Variants in VWA8 observed in about 807,000 individuals in gnomAD.
The protein encoded by VWA8 is von Willebrand factor A domain-containing protein 8.
In VWA8, 221 loss-of-function variants were observed where a neutral mutation model predicts 241.5. The ratio of observed to expected loss-of-function variants is 0.91; its 90% confidence interval spans 0.82 to 1.02. VWA8 has a LOEUF of 1.02. Ranked by LOEUF, VWA8 falls within the 50% of genes least tolerant of loss-of-function variation. VWA8 has a pLI of 0.00. For synonymous variants in VWA8, 852 were observed against 827.1 expected (o/e 1.03, Z -0.52); for missense variants, 2,322 against 2,328.7 (o/e 1.00, Z 0.06).
At position 41,923,518 on chromosome 13, in the gene VWA8, C is replaced by T. The variant is rs181734785; in HGVS notation, c.242-11350G>A. Among the ~76,000 whole-genome samples the T allele has an allele frequency of 2.1e-3, 313 of 152,148 alleles. 4 individuals are homozygous for T. Among genetic ancestry groups the T allele is most frequent in the African/African-American group, 7.2e-3 (299 of 41,512 alleles). ...TTTTGCCTTGGAAAGTGAACCAACA[C>T]CTCAAGTCATAGTGTTTCAGTAATT... On this transcript the variant is annotated intron_variant, in intron 2 of 44. Coordinates refer to ENST00000379310, the MANE Select transcript of VWA8 (RefSeq NM_015058.2).
intron 40 of VWA8, among the ~76,000 whole-genome samples, chr13:41,591,690 A>G (rs2139647961): frequency 6.7e-6 from 1 of 150,314 alleles, no homozygotes; most frequent in Non-Finnish European, 1.5e-5. Flanking sequence ...GAAGACATTT[A>G]TGCAGCCAAA....
chr13:41,908,719 A>G (rs1045509313), intron 3 of VWA8, among the ~76,000 whole-genome samples: 1 of 152,234 alleles, frequency 6.6e-6, no homozygotes, highest in Non-Finnish European at 1.5e-5. Context: ...ATCCATCCTT[A>G]AAAGTCTTTT....
chr13:41,863,421 GTGTGTGTGTGTGT>G lies in VWA8; in HGVS notation c.1425+2302_1425+2314del, dbSNP rs1873110016. Among the ~76,000 whole-genome samples the G allele has an allele frequency of 7.5e-5, 5 of 66,674 alleles. No homozygotes were observed. The South Asian group carries it at 1.6e-3, about 21-fold the overall frequency. 43.7% of individuals were successfully genotyped at this position (66,674 alleles called of 152,430 possible). A position where few individuals can be genotyped will look rare whatever the true frequency, so the allele number is the denominator to read the frequency against. On this transcript the variant is annotated intron_variant, in intron 12 of 44. Transcript: ENST00000379310. ...TGTGTGTGTGTGTGTGTGTGTGTGTGTGTGTGTGTGTGTATATATATATATATATATATTCACA... is the reference window on the plus strand; with the variant it reads ...TGTGTGTGTGTGTGTGTGTGTGTGTGATATATATATATATATATATTCACA...
chr13:41,908,606 G>A (rs954791392), intron 3 of VWA8, among the ~76,000 whole-genome samples: 1 of 151,826 alleles, frequency 6.6e-6, no homozygotes, highest in Admixed American at 6.6e-5. Context: ...GGAAAAGGAA[G>A]GAGGAGGAGT....
intron 20 of VWA8, among the ~76,000 whole-genome samples, chr13:41,774,136 ATTTAT>A (rs2137924374): frequency 6.6e-6 from 1 of 152,076 alleles, no homozygotes; most frequent in East Asian, 1.9e-4. Flanking sequence ...TTATTTATTT[ATTTAT>A]TTATTATTAT....
chr13:41,800,804 A>C (rs1261983201), intron 17 of VWA8, among the ~76,000 whole-genome samples: 1 of 151,902 alleles, frequency 6.6e-6, no homozygotes, highest in Non-Finnish European at 1.5e-5. Context: ...AAAAAAAAAA[A>C]AAAAAACACC....
At chr13:41,858,744 G>A (rs1221446182) in intron 12 of VWA8, among the ~76,000 whole-genome samples, 3 of 152,012 alleles carry the variant, frequency 2.0e-5, no homozygotes, top group Admixed American at 2.0e-4. Flanking sequence ...CATGGTTCTT[G>A]AAAAATAAAC....
intron 14 of VWA8, among the ~76,000 whole-genome samples, chr13:41,823,191 T>C (rs939229903): frequency 1.3e-5 from 2 of 152,134 alleles, no homozygotes. Context: ...TAGGAGATAG[T>C]GCTTGGATCC....
At position 41,949,971 on chromosome 13, in the gene VWA8, A is replaced by G; in HGVS notation, c.206T>C (p.Ile69Thr). The G allele has an allele frequency of 6.3e-7, 1 of 1,595,978 alleles. No homozygotes were observed. Among genetic ancestry groups the G allele is most frequent in the South Asian group, 1.1e-5 (1 of 88,398 alleles). ...NIGDVSYKLK[I>T]PKNPELVPQN... Reference sequence around the variant, plus strand: ...TGGCACAAGTTCTGGATTCTTAGGAATTTTCAACTTGTAGGATACATCTCC... The same window carrying G: ...TGGCACAAGTTCTGGATTCTTAGGAGTTTTCAACTTGTAGGATACATCTCC... Residue 69 changes from isoleucine to threonine, a missense_variant, in exon 2 of 45, where the codon ATT becomes ACT. Coordinates refer to ENST00000379310, the MANE Select transcript of VWA8 (RefSeq NM_015058.2).
intron 26 of VWA8, among the ~76,000 whole-genome samples, chr13:41,717,830 A>G (rs1290735432): frequency 6.6e-6 from 1 of 152,024 alleles, no homozygotes; most frequent in African/African-American, 2.4e-5. Context: ...GCTTAAGTCT[A>G]TTTCTAGCTA....
intron 37 of VWA8, among the ~76,000 whole-genome samples, chr13:41,641,804 A>G (rs77379964): frequency 0.051 from 5,022 of 98,108 alleles, 280 homozygotes; most frequent in African/African-American, 0.13. Context: ...TTTTTATGGG[A>G]AAAAAAAAAC....
intron 37 of VWA8, among the ~76,000 whole-genome samples, chr13:41,639,001 G>C (rs1043071685): frequency 3.3e-5 from 5 of 152,158 alleles, no homozygotes; most frequent in African/African-American, 1.2e-4. Flanking sequence ...GCAGAACTGA[G>C]CTTGGGAAGT....
At chr13:41,642,581 A>G (rs1015750058) in intron 37 of VWA8, among the ~76,000 whole-genome samples, 2 of 151,482 alleles carry the variant, frequency 1.3e-5, no homozygotes, top group Non-Finnish European at 2.9e-5. Context: ...AAAAAAAAGA[A>G]AAAAAGAAAA....
intron 40 of VWA8, among the ~76,000 whole-genome samples, chr13:41,594,901 TCC>T (rs1294088155): frequency 6.6e-6 from 1 of 152,102 alleles, no homozygotes; most frequent in Non-Finnish European, 1.5e-5. Context: ...AAGGCAAGAT[TCC>T]CCCAAGGGGA....
chr13:41,838,093 C>T (rs1269566876), intron 12 of VWA8, among the ~76,000 whole-genome samples: 1 of 152,026 alleles, frequency 6.6e-6, no homozygotes, highest in Non-Finnish European at 1.5e-5. Flanking sequence ...TAAAAACATC[C>T]TGTTAAAATG....
Position 41,783,921 on chromosome 13 carries a change from C to G in VWA8, c.2171-20G>C, listed in dbSNP as rs369150480. 1 of 1,594,570 alleles carries G rather than the reference C, an allele frequency of 6.3e-7. No homozygotes were observed. On this transcript the variant is annotated intron_variant, in intron 18 of 44. Transcript: ENST00000379310. ...CTTCACCTAAACATTTCACACAGGA[C>G]GGATAATTATTCATAGCACTGTCCT...
rs192500630 is a variant in VWA8 at position 41,686,940 on chromosome 13, A to G, written c.4132-1698T>C. ...ATCCTGTTTGGGCTTAACGTCCATCACTAGTGGTTACCTCTCCCCACCATA... is the reference window on the plus strand; with the variant it reads ...ATCCTGTTTGGGCTTAACGTCCATCGCTAGTGGTTACCTCTCCCCACCATA... On this transcript the variant is annotated intron_variant, in intron 34 of 44. Transcript: ENST00000379310. Among the ~76,000 whole-genome samples the G allele has an allele frequency of 8.9e-4, 135 of 152,068 alleles. 1 individual carries two copies. Among genetic ancestry groups the G allele is most frequent in the African/African-American group, 3.2e-3 (132 of 41,482 alleles).
At chr13:41,594,124 G>T (rs200123950) in intron 40 of VWA8, among the ~76,000 whole-genome samples, 46 of 143,446 alleles carry the variant, frequency 3.2e-4, no homozygotes, top group South Asian at 1.1e-3. Flanking sequence ...TGTAATTTTT[G>T]TTTTTTTTTT....
chr13:41,826,718 A>G (rs773730788), intron 14 of VWA8, among the ~76,000 whole-genome samples: 11 of 152,042 alleles, frequency 7.2e-5, no homozygotes, highest in Non-Finnish European at 1.6e-4. Context: ...AAATGGGAAA[A>G]ACAAAACAAA....
Sources: allele counts gnomAD v4.1 joint callset (sites outside exome capture counted in the v4.1 genomes callset), GRCh38; gene constraint gnomAD v4.1.1; transcripts MANE v1.5; gene names NCBI Gene and HGNC (gene_info 2026-07-23, HGNC 2026-07-21).